Variants in AP4E1 observed in about 807,000 individuals in gnomAD.
The protein encoded by AP4E1 is adaptor related protein complex 4 subunit epsilon 1.
Under a neutral mutation model 128.2 loss-of-function variants are expected in AP4E1, and 56 were observed. The observed-to-expected ratio is 0.44, with a 90% CI of 0.35 to 0.55. AP4E1 has a LOEUF of 0.55. AP4E1 is among the 20% of genes least tolerant of loss of function. The pLI, the probability that AP4E1 is intolerant of heterozygous loss-of-function variation, is 0.00. For missense variants in AP4E1, 1,324 were observed against 1,307.7 expected, an observed-to-expected ratio of 1.01 and a Z score of -0.19; for synonymous variants, 484 against 473.1, an observed-to-expected ratio of 1.02 and a Z score of -0.30.
chr15:50,909,254 T>C (rs2063534826), intron 1 of AP4E1, among the ~76,000 whole-genome samples: 1 of 152,238 alleles, frequency 6.6e-6, no homozygotes, highest in African/African-American at 2.4e-5. Context: ...TTTTGTTTGT[T>C]TTGAGGATTG....
At chr15:50,924,810 G>A (rs1038101839) in intron 4 of AP4E1, among the ~76,000 whole-genome samples, 42 of 152,206 alleles carry the variant, frequency 2.8e-4, no homozygotes, top group African/African-American at 1.0e-3. Flanking sequence ...TATTGGTTTA[G>A]AAAAGTTTTA....
intron 13 of AP4E1, among the ~76,000 whole-genome samples, chr15:50,956,442 A>G (rs1177152346): frequency 6.6e-6 from 1 of 152,226 alleles, no homozygotes; most frequent in African/African-American, 2.4e-5. Flanking sequence ...AGGAAAGTGT[A>G]TTAGTCCATT....
At chr15:50,996,427 T>C (rs2064875841) in intron 17 of AP4E1, among the ~76,000 whole-genome samples, 1 of 152,114 alleles carries the variant, frequency 6.6e-6, no homozygotes, top group Admixed American at 6.5e-5. Context: ...AAATGTTAGT[T>C]CTTATTAGGT....
At chr15:50,969,871 G>A (rs1277689933) in intron 15 of AP4E1, among the ~76,000 whole-genome samples, 1 of 152,194 alleles carries the variant, frequency 6.6e-6, no homozygotes, top group East Asian at 1.9e-4. Context: ...ATGTTAGCCA[G>A]GATGGTCTCG....
chr15:50,948,080 A>G lies in AP4E1; in HGVS notation c.1237A>G (p.Met413Val). The G allele has an allele frequency of 6.8e-6, 11 of 1,613,268 alleles. No homozygotes were observed. The highest frequency in any genetic ancestry group is 9.3e-6 in the Non-Finnish European group (11 of 1,179,304). The change falls in exon 11 of 21, where the codon ATG becomes GTG. Residue 413 changes from methionine to valine, a missense_variant. Coordinates refer to ENST00000261842, the MANE Select transcript of AP4E1 (RefSeq NM_007347.5). ...AQNITVIVQK[M>V]LEYLHQSKEE... ...GAATATAACAGTTATTGTCCAGAAA[A>G]TGCTTGAATATTTACATCAGAGCAA...
At chr15:50,925,755 A>G (rs1011235443) in intron 5 of AP4E1, among the ~76,000 whole-genome samples, 1 of 148,832 alleles carries the variant, frequency 6.7e-6, no homozygotes, top group Non-Finnish European at 1.5e-5. Flanking sequence ...TCAGCCTCCC[A>G]TGTAGCTAGG....
At chr15:50,949,116 C>T (rs2064109339) in intron 11 of AP4E1, among the ~76,000 whole-genome samples, 1 of 151,860 alleles carries the variant, frequency 6.6e-6, no homozygotes, top group Non-Finnish European at 1.5e-5. Flanking sequence ...AACTTTAGAA[C>T]TGATGAGGAA....
chr15:50,951,400 T>A (rs1174184391), intron 13 of AP4E1, among the ~76,000 whole-genome samples: 3 of 152,214 alleles, frequency 2.0e-5, no homozygotes, highest in Non-Finnish European at 1.5e-5. Flanking sequence ...GCCGCCTGCT[T>A]CATCAAAGCC....
chr15:50,924,945 G>A (rs910149560), intron 4 of AP4E1, among the ~76,000 whole-genome samples, 153 bp from the exon 5 acceptor site: 3 of 152,190 alleles, frequency 2.0e-5, no homozygotes, highest in Admixed American at 1.3e-4. Context: ...ACAAATAGGA[G>A]CATTGCAATA....
At chr15:50,920,728 G>C (rs1464668908) in intron 3 of AP4E1, among the ~76,000 whole-genome samples, 1 of 152,016 alleles carries the variant, frequency 6.6e-6, no homozygotes, top group South Asian at 2.1e-4. Flanking sequence ...CTTCACTCTG[G>C]TACTGTTGTC....
chr15:50,921,159 A>G (rs2063698915), intron 3 of AP4E1, among the ~76,000 whole-genome samples: 1 of 150,266 alleles, frequency 6.7e-6, no homozygotes, highest in South Asian at 2.1e-4. Flanking sequence ...TTTTTAAGTT[A>G]TTATTTTCTT....
chr15:50,915,658 G>A lies in AP4E1; in HGVS notation c.346+87G>A, dbSNP rs556894860. The A allele has an allele frequency of 6.2e-6, 9 of 1,457,874 alleles. No homozygotes were observed. The African/African-American group carries it at 8.4e-5, about 14-fold the overall frequency. 90.3% of individuals were successfully genotyped at this position (1,457,874 alleles called of 1,614,324 possible). On this transcript the variant is annotated intron_variant, in intron 3 of 20. Transcript: ENST00000261842. ...CAAAATGAATGATGGCATGTATATA[G>A]TATGTTTTTAGAATACTGTATTATA...
At chr15:50,926,429 C>T (rs764700845) in intron 5 of AP4E1, among the ~76,000 whole-genome samples, 20 of 151,970 alleles carry the variant, frequency 1.3e-4, no homozygotes, top group Admixed American at 3.3e-4. Flanking sequence ...AGCCACTGCG[C>T]CTGGCCCATA....
At chr15:50,982,927 T>C (rs553704467) in intron 15 of AP4E1, among the ~76,000 whole-genome samples, 7 of 152,334 alleles carry the variant, frequency 4.6e-5, no homozygotes, top group African/African-American at 1.7e-4. Context: ...ATTTGTAAAA[T>C]GAGAATAGTA....
chr15:50,962,059 C>T (rs979156880), intron 14 of AP4E1, among the ~76,000 whole-genome samples: 8 of 148,802 alleles, frequency 5.4e-5, no homozygotes, highest in African/African-American at 2.0e-4. Context: ...TAAATTTAAC[C>T]AGGGAGGTGG....
intron 15 of AP4E1, among the ~76,000 whole-genome samples, chr15:50,968,581 T>C (rs540852196): frequency 6.6e-6 from 1 of 152,268 alleles, no homozygotes; most frequent in Admixed American, 6.5e-5. Flanking sequence ...AGACATAGGC[T>C]CTCTATCCAC....
At chr15:50,974,445 T>C (rs1414304492) in intron 15 of AP4E1, among the ~76,000 whole-genome samples, 3 of 151,942 alleles carry the variant, frequency 2.0e-5, no homozygotes, top group African/African-American at 7.3e-5. Context: ...TTTTAATTTT[T>C]TGTAGAGACA....
rs143706126 is a variant in AP4E1 at position 50,997,201 on chromosome 15, T to G, written c.2347-125T>G. 12 of 849,098 alleles carry G rather than the reference T, an allele frequency of 1.4e-5. No individual in the cohort carries two copies. In the East Asian group the frequency reaches 3.1e-4, roughly 22 times the overall value. 52.6% of individuals were successfully genotyped at this position (849,098 alleles called of 1,614,324 possible). On this transcript the variant is annotated intron_variant, in intron 17 of 20. Transcript: ENST00000261842. ...TTATTTATCTCTGATTCTTTACTAA[T>G]TTATTCTTTATAGATAGAACCTTAG...
intron 5 of AP4E1, among the ~76,000 whole-genome samples, chr15:50,926,444 T>C (rs2063770614): frequency 6.6e-6 from 1 of 152,010 alleles, no homozygotes; most frequent in African/African-American, 2.4e-5. Context: ...CCCATAATTT[T>C]TAAAGTTGGA....
Sources: allele counts gnomAD v4.1 joint callset (sites outside exome capture counted in the v4.1 genomes callset), GRCh38; gene constraint gnomAD v4.1.1; transcripts MANE v1.5; gene names NCBI Gene and HGNC (gene_info 2026-07-23, HGNC 2026-07-21).